TFCP2: variants seen among roughly 807,000 people sequenced by gnomAD.
TFCP2 encodes transcription factor CP2, also known as alpha-globin transcription factor CP2.
Under a neutral mutation model 73.4 loss-of-function variants are expected in TFCP2, and 33 were observed. That is an observed-to-expected ratio of 0.45 (90% confidence interval 0.34 to 0.60). The LOEUF (loss-of-function observed/expected upper bound fraction) is 0.60. Among genes scored for constraint, TFCP2 ranks in the 20% least tolerant of loss-of-function variants. TFCP2 has a pLI of 0.01. For missense variants in TFCP2, 352 were observed against 604.0 expected, an observed-to-expected ratio of 0.58 and a Z score of 4.37; for synonymous variants, 193 against 211.6, an observed-to-expected ratio of 0.91 and a Z score of 0.76.
At chr12:51,164,635 AGACT>A (rs1941718264) in intron 1 of TFCP2, among the ~76,000 whole-genome samples, 1 of 151,906 alleles carries the variant, frequency 6.6e-6, no homozygotes, top group Non-Finnish European at 1.5e-5. Flanking sequence ...AACTCTTGTC[AGACT>A]GACTGGGAGA....
At chr12:51,109,301 A>G (rs970883213) in intron 5 of TFCP2, 28 bp from the exon 6 acceptor site, 3 of 1,612,024 alleles carry the variant, frequency 1.9e-6, no homozygotes, top group Non-Finnish European at 2.5e-6. Flanking sequence ...GCAAGGCTTC[A>G]GTACCGCTAG....
At chr12:51,146,895 A>G (rs1207783781) in intron 1 of TFCP2, among the ~76,000 whole-genome samples, 1 of 152,238 alleles carries the variant, frequency 6.6e-6, no homozygotes, top group African/African-American at 2.4e-5. Flanking sequence ...GTTTATTTAG[A>G]TTCAGCACCT....
chr12:51,102,427 T>C (rs1299992162), intron 10 of TFCP2, among the ~76,000 whole-genome samples: 5 of 151,816 alleles, frequency 3.3e-5, no homozygotes, highest in African/African-American at 7.3e-5. Flanking sequence ...ACCCCATCTC[T>C]TAAAAAAAAA....
At chr12:51,107,029 G>A (rs1566202032) in intron 7 of TFCP2, 2 of 601,650 alleles carry the variant, frequency 3.3e-6, no homozygotes, top group Non-Finnish European at 5.9e-6. Flanking sequence ...GAGTAATTTG[G>A]GGAAAGATAA....
At position 51,172,590 on chromosome 12, in the gene TFCP2, A is replaced by C; in HGVS notation, c.-168T>G. On this transcript the variant is annotated 5_prime_UTR_variant, in exon 1 of 15. Transcript: ENST00000257915. The stretch of plus-strand genomic sequence containing the variant: ...ACCAGCACTGCTCTGTGCACAACTA[A>C]TCTCCCGTACCCTTGGCTGCTCGTT... The C allele has an allele frequency of 1.2e-6, 1 of 804,060 alleles. No homozygotes were observed. The highest frequency in any genetic ancestry group is 1.9e-6 in the Non-Finnish European group (1 of 528,358). The allele number at this position is 804,060 out of a possible 1,614,324, so 49.8% of individuals were successfully genotyped here.
chr12:51,107,405 G>A (rs1940273747), intron 6 of TFCP2, 59 bp from the exon 7 acceptor site: 2 of 1,444,018 alleles, frequency 1.4e-6, no homozygotes, highest in East Asian at 4.5e-5. Flanking sequence ...CCAAAATATT[G>A]CTTCCAAAAA....
chr12:51,140,297 G>A (rs1021078016), intron 1 of TFCP2, among the ~76,000 whole-genome samples: 34 of 152,044 alleles, frequency 2.2e-4, no homozygotes, highest in African/African-American at 6.7e-4. Context: ...AGGCATGGTG[G>A]CTCCCATTTA....
Position 51,147,160 on chromosome 12 carries a change from T to C in TFCP2, c.122+25141A>G, listed in dbSNP as rs545054132. Among the ~76,000 whole-genome samples, 5 of 152,200 alleles carry C rather than the reference T, an allele frequency of 3.3e-5. No individual in the cohort carries two copies. In the East Asian group the frequency reaches 5.8e-4, roughly 18 times the overall value. On this transcript the variant is annotated intron_variant, in intron 1 of 14. Transcript: ENST00000257915. Reference sequence around the variant, plus strand: ...AAGTGCGAGACCAGCCTGGCCAATATAGTGAAACTCCATCTCTACTAAAAA... The same window carrying C: ...AAGTGCGAGACCAGCCTGGCCAATACAGTGAAACTCCATCTCTACTAAAAA...
At chr12:51,170,307 ATTTT>A (rs1211247884) in intron 1 of TFCP2, among the ~76,000 whole-genome samples, 1 of 148,580 alleles carries the variant, frequency 6.7e-6, no homozygotes, top group Non-Finnish European at 1.5e-5. Flanking sequence ...TAACGATAGT[ATTTT>A]TTTCCAATTT....
Position 51,104,146 on chromosome 12 carries a change from T to C in TFCP2, c.966+9A>G. 2 of 1,614,032 alleles carry C rather than the reference T, an allele frequency of 1.2e-6. No individual in the cohort carries two copies. The highest frequency in any genetic ancestry group is 1.7e-6 in the Non-Finnish European group (2 of 1,179,866). Reference sequence around the variant, plus strand: ...ATTGCAAGTAACTGACATTCAACTTTAGACTTACATCTGTGACTGGAGGGG... The same window carrying C: ...ATTGCAAGTAACTGACATTCAACTTCAGACTTACATCTGTGACTGGAGGGG... On this transcript the variant is annotated intron_variant, in intron 9 of 14. Transcript: ENST00000257915.
intron 1 of TFCP2, among the ~76,000 whole-genome samples, chr12:51,132,367 T>TTTTTTTTC (rs1256037393): frequency 1.9e-5 from 2 of 106,548 alleles, no homozygotes; most frequent in South Asian, 3.0e-4. Flanking sequence ...CTTTTTTTTT[T>TTTTTTTTC]TTTTTTTTTT....
chr12:51,118,091 G>C (rs1003978473), intron 2 of TFCP2, among the ~76,000 whole-genome samples: 13 of 152,182 alleles, frequency 8.5e-5, no homozygotes, highest in African/African-American at 2.2e-4. Flanking sequence ...AGTGTCTAGG[G>C]AATATGATTA....
At chr12:51,165,035 C>T (rs925585789) in intron 1 of TFCP2, among the ~76,000 whole-genome samples, 1 of 152,048 alleles carries the variant, frequency 6.6e-6, no homozygotes, top group African/African-American at 2.4e-5. Context: ...CCAACATCAC[C>T]CTGACACCAA....
chr12:51,152,655 G>A (rs971757055), intron 1 of TFCP2, among the ~76,000 whole-genome samples: 3 of 152,162 alleles, frequency 2.0e-5, no homozygotes, highest in African/African-American at 7.2e-5. Flanking sequence ...AAGAAATTCT[G>A]AGAAAGAGAA....
At chr12:51,112,810 T>A (rs78034831) in intron 4 of TFCP2, among the ~76,000 whole-genome samples, 21,929 of 147,582 alleles carry the variant, frequency 0.15, 2,014 homozygotes, top group East Asian at 0.49. Flanking sequence ...GAGGTTGCAG[T>A]GAGCCGAGAT....
intron 1 of TFCP2, 52 bp from the exon 2 acceptor site, chr12:51,118,824 G>C (rs768453364): frequency 1.9e-6 from 3 of 1,586,474 alleles, no homozygotes; most frequent in Admixed American, 1.7e-5. Flanking sequence ...TGCAAACGCA[G>C]GTTTATTGCT....
intron 1 of TFCP2, among the ~76,000 whole-genome samples, chr12:51,165,706 A>G (rs1941743625): frequency 1.3e-5 from 2 of 152,206 alleles, no homozygotes; most frequent in South Asian, 4.1e-4. Context: ...ACGTAAATGT[A>G]CTTAATTACA....
intron 1 of TFCP2, among the ~76,000 whole-genome samples, chr12:51,121,291 C>T (rs930745677): frequency 2.0e-5 from 3 of 151,454 alleles, no homozygotes; most frequent in East Asian, 2.0e-4. Context: ...CGCGTTGGCG[C>T]GCGCCTAGTC....
intron 1 of TFCP2, among the ~76,000 whole-genome samples, chr12:51,137,443 A>G (rs1236661949): frequency 6.6e-6 from 1 of 152,210 alleles, no homozygotes; most frequent in Non-Finnish European, 1.5e-5. Context: ...AGCTTGTAAG[A>G]TATTAAAAGT....
Sources: gnomAD v4.1 joint callset for allele counts (sites outside exome capture counted in the v4.1 genomes callset) on GRCh38, gnomAD v4.1.1 for gene constraint, MANE v1.5 for transcripts, NCBI Gene and HGNC (gene_info 2026-07-23, HGNC 2026-07-21) for gene names.